Variants in SDK1 observed in about 807,000 individuals in gnomAD.
SDK1 encodes the protein sidekick cell adhesion molecule 1.
A neutral mutation model predicts 245.5 loss-of-function variants in SDK1; 157 were observed. The ratio of observed to expected loss-of-function variants is 0.64; its 90% CI spans 0.56 to 0.73. SDK1 has a LOEUF of 0.73. Ranked by LOEUF, SDK1 falls within the 30% of genes least tolerant of loss-of-function variation. The probability of loss-of-function intolerance (pLI) is 0.00; values close to 1 mark genes in which losing one functional copy is unlikely to be tolerated. For synonymous variants in SDK1, 1,647 were observed against 1,278.5 expected, an observed-to-expected ratio of 1.29 and a Z score of -6.15; for missense variants, 3,583 against 3,002.3, an observed-to-expected ratio of 1.19 and a Z score of -4.52.
chr7:3,818,060 C>T (rs1779553424), intron 4 of SDK1, among the ~76,000 whole-genome samples: 1 of 152,224 alleles, frequency 6.6e-6, no homozygotes, highest in African/African-American at 2.4e-5. Flanking sequence ...CTCATCTCAT[C>T]CATATTGTAC....
intron 30 of SDK1, among the ~76,000 whole-genome samples, chr7:4,151,085 A>T (rs572567034): frequency 6.6e-6 from 1 of 152,064 alleles, no homozygotes; most frequent in South Asian, 2.1e-4. Context: ...CGCCTTTGCC[A>T]CCCCACACAG....
At chr7:3,763,953 A>T (rs1780179042) in intron 4 of SDK1, among the ~76,000 whole-genome samples, 1 of 152,164 alleles carries the variant, frequency 6.6e-6, no homozygotes, top group African/African-American at 2.4e-5. Flanking sequence ...CAGTTCTCTC[A>T]TGCCCCTTCC....
chr7:3,668,839 G>C (rs1783612550), intron 4 of SDK1, among the ~76,000 whole-genome samples: 2 of 152,170 alleles, frequency 1.3e-5, no homozygotes, highest in South Asian at 2.1e-4. Context: ...TGAGCCTTGG[G>C]AGTCACAAAG....
chr7:4,239,297 G>A (rs943797227), intron 42 of SDK1, among the ~76,000 whole-genome samples: 6 of 152,232 alleles, frequency 3.9e-5, no homozygotes, highest in African/African-American at 1.4e-4. Flanking sequence ...CTGCTTGCCT[G>A]TTGGTGGAGA....
chr7:4,055,538 G>T (rs1055496020), intron 19 of SDK1, among the ~76,000 whole-genome samples: 1 of 129,176 alleles, frequency 7.7e-6, no homozygotes, highest in Non-Finnish European at 1.5e-5. Context: ...TGTTTTTGTT[G>T]TTGTTGTTGT....
chr7:4,057,785 G>A (rs1403281540), intron 19 of SDK1, among the ~76,000 whole-genome samples: 1 of 152,192 alleles, frequency 6.6e-6, no homozygotes, highest in Admixed American at 6.5e-5. Context: ...GGAAATCACA[G>A]ACACCACTGA....
At chr7:3,440,352 A>C (rs973015042) in intron 1 of SDK1, among the ~76,000 whole-genome samples, 9 of 152,174 alleles carry the variant, frequency 5.9e-5, no homozygotes, top group Admixed American at 2.0e-4. Flanking sequence ...GGTGCAGGCT[A>C]TACAGTCTGT....
chr7:3,795,969 G>C (rs552790894), intron 4 of SDK1, among the ~76,000 whole-genome samples: 1 of 152,178 alleles, frequency 6.6e-6, no homozygotes, highest in Non-Finnish European at 1.5e-5. Flanking sequence ...TCATGAGAGT[G>C]CTAAGAAATA....
Position 4,079,525 on chromosome 7 carries a change from C to G in SDK1, c.3265C>G (p.Gln1089Glu), listed in dbSNP as rs1475896110. Reference sequence around the variant, plus strand: ...CATCAGCCCTCGCTCCGCCACCCTTCAGTTCCGGCCAGGCTATGACGGGAA... The same window carrying G: ...CATCAGCCCTCGCTCCGCCACCCTTGAGTTCCGGCCAGGCTATGACGGGAA... The part of the protein sequence containing the change: ...SNISPRSATL[Q>E]FRPGYDGKTS... Residue 1089 changes from glutamine (Q) to glutamate (E), a missense_variant, in exon 22 of 45, where the codon CAG becomes GAG. Transcript: ENST00000404826. 6.2e-7 allele frequency: 1 copy of G among 1,614,252 alleles called. No individual in the cohort carries two copies. Among genetic ancestry groups the G allele is most frequent in the South Asian group, 1.1e-5 (1 of 91,090 alleles).
intron 1 of SDK1, among the ~76,000 whole-genome samples, chr7:3,594,642 G>C (rs988703485): frequency 6.6e-6 from 1 of 152,118 alleles, no homozygotes; most frequent in Non-Finnish European, 1.5e-5. Context: ...TTACTGGGTG[G>C]TTTGGGTGGG....
At chr7:3,802,716 C>G (rs969189888) in intron 4 of SDK1, among the ~76,000 whole-genome samples, 1 of 152,122 alleles carries the variant, frequency 6.6e-6, no homozygotes, top group Non-Finnish European at 1.5e-5. Context: ...CATTAGGTGA[C>G]CTTTTGGGAT....
chr7:3,555,269 A>G (rs1207043695), intron 1 of SDK1, among the ~76,000 whole-genome samples: 1 of 151,646 alleles, frequency 6.6e-6, no homozygotes, highest in African/African-American at 2.4e-5. Context: ...AAATCCAGAA[A>G]TAAATCTATA....
chr7:3,758,422 TTA>T (rs1175708821), intron 4 of SDK1, among the ~76,000 whole-genome samples: 1 of 152,232 alleles, frequency 6.6e-6, no homozygotes, highest in Non-Finnish European at 1.5e-5. Flanking sequence ...ATATGAATAT[TTA>T]TGTTATTCTC....
intron 4 of SDK1, among the ~76,000 whole-genome samples, chr7:3,696,737 A>T (rs1276991614): frequency 2.0e-5 from 3 of 152,072 alleles, no homozygotes; most frequent in African/African-American, 7.2e-5. Context: ...AATAATATAT[A>T]TTTAATTATT....
intron 23 of SDK1, 128 bp from the exon 24 acceptor site, chr7:4,113,161 A>T (rs980454110): frequency 7.0e-6 from 7 of 998,472 alleles, no homozygotes; most frequent in African/African-American, 6.5e-5. Flanking sequence ...CTTGAGCAAT[A>T]GCCTTTATGA....
chr7:3,709,094 A>G (rs573262395), intron 4 of SDK1, among the ~76,000 whole-genome samples: 1 of 152,348 alleles, frequency 6.6e-6, no homozygotes, highest in Non-Finnish European at 1.5e-5. Flanking sequence ...TTGTTTCAGA[A>G]TTCAGAACTC....
At chr7:3,447,210 A>G (rs1780366698) in intron 1 of SDK1, among the ~76,000 whole-genome samples, 1 of 152,218 alleles carries the variant, frequency 6.6e-6, no homozygotes, top group Non-Finnish European at 1.5e-5. Context: ...AGAGGAGACA[A>G]TATTTTACTT....
At chr7:4,235,789 C>T (rs565742554) in intron 41 of SDK1, among the ~76,000 whole-genome samples, 1 of 152,342 alleles carries the variant, frequency 6.6e-6, no homozygotes, top group African/African-American at 2.4e-5. Context: ...CCGCACTGAG[C>T]TCATCAGTCC....
At chr7:3,317,617 A>G (rs1779696492) in intron 1 of SDK1, among the ~76,000 whole-genome samples, 1 of 151,504 alleles carries the variant, frequency 6.6e-6, no homozygotes, top group Admixed American at 6.6e-5. Flanking sequence ...TTCCTTCCCT[A>G]CCTGTATTAA....
Sources: gnomAD v4.1 joint callset for allele counts (sites outside exome capture counted in the v4.1 genomes callset) on GRCh38, gnomAD v4.1.1 for gene constraint, MANE v1.5 for transcripts, NCBI Gene and HGNC (gene_info 2026-07-23, HGNC 2026-07-21) for gene names.